MAP2K5: variants seen among roughly 807,000 people sequenced by gnomAD.
MAP2K5 encodes the protein mitogen-activated protein kinase kinase 5.
A neutral mutation model predicts 83.1 loss-of-function variants in MAP2K5; 49 were observed. The observed-to-expected ratio is 0.59, with a 90% CI of 0.47 to 0.75. The LOEUF (loss-of-function observed/expected upper bound fraction) is 0.75. Ranked by LOEUF, MAP2K5 falls within the 30% of genes least tolerant of loss-of-function variation. The probability of loss-of-function intolerance (pLI) is 0.00; values close to 1 mark genes in which losing one functional copy is unlikely to be tolerated. For missense variants in MAP2K5, 457 were observed against 557.5 expected (o/e 0.82, Z 1.82); for synonymous variants, 202 against 191.8 (o/e 1.05, Z -0.44).
intron 21 of MAP2K5, among the ~76,000 whole-genome samples, chr15:67,773,644 T>C (rs1596951077): frequency 6.6e-6 from 1 of 152,350 alleles, no homozygotes; most frequent in East Asian, 1.9e-4. Flanking sequence ...AACAGTACGT[T>C]TCCTTTTTGC....
At chr15:67,675,718 T>A (rs1398002249) in intron 13 of MAP2K5, among the ~76,000 whole-genome samples, 1 of 152,146 alleles carries the variant, frequency 6.6e-6, no homozygotes, top group African/African-American at 2.4e-5. Flanking sequence ...AAAGAATATA[T>A]CATCTTTCTG....
At chr15:67,592,799 G>C (rs1011748266) in intron 6 of MAP2K5, 127 bp from the exon 7 acceptor site, 6 of 643,194 alleles carry the variant, frequency 9.3e-6, no homozygotes, top group Non-Finnish European at 1.6e-5. Context: ...ATTTACATTG[G>C]GAGAAGGATG....
At chr15:67,610,940 G>C (rs1302258791) in intron 8 of MAP2K5, among the ~76,000 whole-genome samples, 1 of 152,162 alleles carries the variant, frequency 6.6e-6, no homozygotes, top group East Asian at 1.9e-4. Flanking sequence ...AGCAGTTAAT[G>C]GTTTTTGTCT....
Position 67,748,098 on chromosome 15 carries a change from C to G in MAP2K5, c.1075-133C>G. 1 of 619,972 alleles carries G rather than the reference C, an allele frequency of 1.6e-6. No individual in the cohort carries two copies. The highest frequency in any genetic ancestry group is 2.9e-6 in the Non-Finnish European group (1 of 339,464). The allele number at this position is 619,972 out of a possible 1,614,324, so 38.4% of individuals were successfully genotyped here. A position where few individuals can be genotyped will look rare whatever the true frequency, so the allele number is the denominator to read the frequency against. On this transcript the variant is annotated intron_variant, in intron 17 of 21. Coordinates refer to ENST00000178640, the MANE Select transcript of MAP2K5 (RefSeq NM_145160.3). The surrounding 1 kb of genome is among the most constrained non-coding windows in gnomAD (Gnocchi z 4.0). ...CGAGCTATTAACATTTGTGTATTTT[C>G]ATTATGTAAATTGTGTTAACACATG... is the stretch of plus-strand genomic sequence containing the variant.
In MAP2K5 at chr15:67,543,163, T is replaced by A; in HGVS notation, c.-173T>A. On this transcript the variant is annotated 5_prime_UTR_variant, in exon 1 of 22. Transcript: ENST00000178640. This position sits in a 1 kb window ranked among gnomAD's most constrained non-coding sequence, Gnocchi z 4.3. ...CGACAGCCTGGGCAGGCTCGGTGCCTGCGGGTGCGTTCCTGATCACCCCTC... is the reference window on the plus strand; with the variant it reads ...CGACAGCCTGGGCAGGCTCGGTGCCAGCGGGTGCGTTCCTGATCACCCCTC... 1 of 653,290 alleles carries A rather than the reference T, an allele frequency of 1.5e-6. No homozygotes were observed. The highest frequency in any genetic ancestry group is 2.6e-6 in the Non-Finnish European group (1 of 377,834). 40.5% of individuals were successfully genotyped at this position (653,290 alleles called of 1,614,324 possible). A position where few individuals can be genotyped will look rare whatever the true frequency, so the allele number is the denominator to read the frequency against.
In MAP2K5 at chr15:67,757,189, C is replaced by T. The variant is rs2089856277; in HGVS notation, c.1134+8588C>T. Among the ~76,000 whole-genome samples, 1 of 152,158 alleles carries T rather than the reference C, an allele frequency of 6.6e-6. No homozygotes were observed. The highest frequency in any genetic ancestry group is 2.4e-5 in the African/African-American group (1 of 41,428). ...CAGTGTATAAGGGTTCCCTTTTCTC[C>T]ACATCCTCACCATCCCTAGTTACCT... On this transcript the variant is annotated intron_variant, in intron 19 of 21. Transcript: ENST00000178640. The surrounding 1 kb of genome is among the most constrained non-coding windows in gnomAD (Gnocchi z 4.9).
intron 17 of MAP2K5, among the ~76,000 whole-genome samples, chr15:67,737,773 G>A (rs2089374337): frequency 6.6e-6 from 1 of 150,674 alleles, no homozygotes; most frequent in Admixed American, 6.6e-5. Flanking sequence ...CTGTTAGGCT[G>A]CACCCATCAA....
At chr15:67,643,369 G>A (rs929183937) in intron 9 of MAP2K5, among the ~76,000 whole-genome samples, 9 of 152,182 alleles carry the variant, frequency 5.9e-5, no homozygotes, top group Non-Finnish European at 1.2e-4. Context: ...ATCAGGAGAA[G>A]TGTTTAAATG....
At position 67,668,713 on chromosome 15, in the gene MAP2K5, A is replaced by T. The variant is rs1015216500; in HGVS notation, c.847+4068A>T. Among the ~76,000 whole-genome samples the T allele has an allele frequency of 6.6e-6, 1 of 152,128 alleles. No individual in the cohort carries two copies. The highest frequency in any genetic ancestry group is 2.4e-5 in the African/African-American group (1 of 41,436). On this transcript the variant is annotated intron_variant, in intron 13 of 21. Transcript: ENST00000178640. The surrounding 1 kb of genome is among the most constrained non-coding windows in gnomAD (Gnocchi z 4.0). ...GTAGTAACTGCTGTCTCTTTCCCTGAGGATAAAAAATAGAAATGCAAGGGT... is the reference window on the plus strand; with the variant it reads ...GTAGTAACTGCTGTCTCTTTCCCTGTGGATAAAAAATAGAAATGCAAGGGT...
rs2084781397 is a variant in MAP2K5, at chr15:67,563,586, G to A, written c.252+236G>A. Among the ~76,000 whole-genome samples, 1 of 152,014 alleles carries A rather than the reference G, an allele frequency of 6.6e-6. No individual in the cohort carries two copies. Among genetic ancestry groups the A allele is most frequent in the Non-Finnish European group, 1.5e-5 (1 of 67,998 alleles). On this transcript the variant is annotated intron_variant, in intron 3 of 21. Coordinates refer to ENST00000178640, the MANE Select transcript of MAP2K5 (RefSeq NM_145160.3). This position sits in a 1 kb window ranked among gnomAD's most constrained non-coding sequence, Gnocchi z 4.5. ...ATGCATCTTAATGACTTTTGCATTA[G>A]GTATGATGCAGACTAAATGGACTAT... is the stretch of plus-strand genomic sequence containing the variant.
intron 17 of MAP2K5, among the ~76,000 whole-genome samples, chr15:67,734,748 T>C (rs1274687490): frequency 2.0e-5 from 3 of 152,214 alleles, no homozygotes; most frequent in African/African-American, 7.2e-5. Context: ...ATCTATCCTT[T>C]GTTGCATAAA....
intron 7 of MAP2K5, among the ~76,000 whole-genome samples, chr15:67,597,419 A>T (rs987991063): frequency 1.3e-5 from 2 of 152,226 alleles, no homozygotes; most frequent in Admixed American, 1.3e-4. Context: ...CTGCTGAGCT[A>T]TGATGTTGAA....
intron 11 of MAP2K5, among the ~76,000 whole-genome samples, chr15:67,648,738 C>T (rs2086889964): frequency 6.6e-6 from 1 of 152,036 alleles, no homozygotes; most frequent in South Asian, 2.1e-4. Context: ...GCGCGTGCCA[C>T]CATGCCCAGC....
At chr15:67,659,015 A>C in intron 12 of MAP2K5, 1 of 281,684 alleles carries the variant, frequency 3.6e-6, no homozygotes, top group Non-Finnish European at 7.0e-6. Context: ...TTTATTAAGA[A>C]CAAAGTAGTA....
chr15:67,594,484 C>T (rs1567297689), intron 7 of MAP2K5, among the ~76,000 whole-genome samples: 1 of 152,110 alleles, frequency 6.6e-6, no homozygotes, highest in Admixed American at 6.6e-5. Context: ...TTGTCCAGCC[C>T]AGACAATGGA....
In MAP2K5 at chr15:67,769,926, A is replaced by G. The variant is rs759309013; in HGVS notation, c.1196+263A>G. On this transcript the variant is annotated intron_variant, in intron 20 of 21. Transcript: ENST00000178640. The surrounding 1 kb of genome is among the most constrained non-coding windows in gnomAD (Gnocchi z 5.2). Reference sequence around the variant, plus strand: ...AAGTCATGATACTTCTTTAAGCACAAATACTGTTGCCATCCTTTTTTAAAA... The same window carrying G: ...AAGTCATGATACTTCTTTAAGCACAGATACTGTTGCCATCCTTTTTTAAAA... 6 of 350,408 alleles carry G rather than the reference A, an allele frequency of 1.7e-5. No individual in the cohort carries two copies. The highest frequency in any genetic ancestry group is 2.6e-5 in the Non-Finnish European group (5 of 193,220). The allele number at this position is 350,408 out of a possible 1,614,324, so 21.7% of individuals were successfully genotyped here. A position where few individuals can be genotyped will look rare whatever the true frequency, so the allele number is the denominator to read the frequency against.
chr15:67,588,771 G>T (rs918142391), intron 6 of MAP2K5, among the ~76,000 whole-genome samples: 10 of 152,074 alleles, frequency 6.6e-5, no homozygotes, highest in Admixed American at 5.9e-4. Context: ...TTCAGGTGTT[G>T]TACTCAAGTT....
chr15:67,686,332 C>T (rs562000797), intron 13 of MAP2K5, among the ~76,000 whole-genome samples: 37 of 152,122 alleles, frequency 2.4e-4, no homozygotes, highest in Admixed American at 8.5e-4. Context: ...CATGGCCAGG[C>T]GCGATGGCTC....
At chr15:67,656,192 C>T (rs1567339457) in intron 11 of MAP2K5, among the ~76,000 whole-genome samples, 1 of 152,142 alleles carries the variant, frequency 6.6e-6, no homozygotes. Flanking sequence ...GCCTTGGATA[C>T]CACCATCTCA....
Sources: allele counts gnomAD v4.1 joint callset (sites outside exome capture counted in the v4.1 genomes callset), GRCh38; gene constraint gnomAD v4.1.1; non-coding constraint Gnocchi (gnomAD v3.1); transcripts MANE v1.5; gene names NCBI Gene and HGNC (gene_info 2026-07-23, HGNC 2026-07-21).